Variants in ADGRL1 observed in about 807,000 individuals in gnomAD.
ADGRL1 encodes the protein CIRL-1.
ADGRL1 carries 31 observed loss-of-function variants against 148.9 expected under a neutral mutation model. The ratio of observed to expected loss-of-function variants is 0.21; its 90% CI spans 0.16 to 0.28. ADGRL1 has a LOEUF of 0.28. Among genes scored for constraint, ADGRL1 ranks in the 10% least tolerant of loss-of-function variants. The probability of loss-of-function intolerance (pLI) is 1.00; values close to 1 mark genes in which losing one functional copy is unlikely to be tolerated. For missense variants in ADGRL1, 1,521 were observed against 2,058.8 expected, an observed-to-expected ratio of 0.74 and a Z score of 5.05; for synonymous variants, 937 against 900.3, an observed-to-expected ratio of 1.04 and a Z score of -0.73.
At position 14,160,534 on chromosome 19, in the gene ADGRL1, G is replaced by A; in HGVS notation, c.1614+59C>T. The stretch of plus-strand genomic sequence containing the variant: ...CCCCAGCTGCTCCACGACCCCCGCT[G>A]GGCCCTGGGCCCTGGGCCCGAGCAC... On this transcript the variant is annotated intron_variant, in intron 7 of 22. Coordinates refer to ENST00000361434, the MANE Select transcript of ADGRL1 (RefSeq NM_014921.5). The surrounding 1 kb of genome is among the most constrained non-coding windows in gnomAD (Gnocchi z 5.9). The A allele has an allele frequency of 7.9e-7, 1 of 1,273,882 alleles. No homozygotes were observed. Among genetic ancestry groups the A allele is most frequent in the Non-Finnish European group, 1.1e-6 (1 of 920,402 alleles). 78.9% of individuals were successfully genotyped at this position (1,273,882 alleles called of 1,614,324 possible). A position where few individuals can be genotyped will look rare whatever the true frequency, so the allele number is the denominator to read the frequency against.
chr19:14,197,599 T>C (rs998222601), intron 1 of ADGRL1, among the ~76,000 whole-genome samples: 11 of 152,156 alleles, frequency 7.2e-5, no homozygotes, highest in Non-Finnish European at 1.3e-4. Context: ...CACAGTTCCT[T>C]ATTCTGCTCT....
intron 4 of ADGRL1, among the ~76,000 whole-genome samples, chr19:14,165,680 G>A (rs543294526): frequency 4.7e-4 from 71 of 151,900 alleles, no homozygotes; most frequent in African/African-American, 1.7e-3. Context: ...CTGGGAGGGA[G>A]AGAGACTCCA....
chr19:14,176,649 C>T (rs1364902880), intron 3 of ADGRL1, among the ~76,000 whole-genome samples: 4 of 151,912 alleles, frequency 2.6e-5, no homozygotes, highest in African/African-American at 9.7e-5. Flanking sequence ...CCAGCCTGGG[C>T]AACATAGCAA....
At chr19:14,205,716 C>T (rs1200182344) in intron 1 of ADGRL1, among the ~76,000 whole-genome samples, 1 of 150,964 alleles carries the variant, frequency 6.6e-6, no homozygotes, top group Non-Finnish European at 1.5e-5. Context: ...CGCCAGGCAC[C>T]CTGCGGTAGC....
Position 14,151,515 on chromosome 19 carries a change from G to T in ADGRL1, c.3768C>A (p.Pro1256=), listed in dbSNP as rs745616938. 5 of 1,610,820 alleles carry T rather than the reference G, an allele frequency of 3.1e-6. No individual in the cohort carries two copies. Among genetic ancestry groups the T allele is most frequent in the Non-Finnish European group, 3.4e-6 (4 of 1,178,820 alleles). Residue 1256 remains proline, a synonymous_variant, in exon 23 of 23, where the codon CCC becomes CCA. Transcript: ENST00000361434. The part of the protein sequence containing the change: ...SYSLRSGDFP[P]GDGGPEPPRG... ...GGGGCGGCTCAGGGCCCCCATCCCC[G>T]GGAGGGAAATCCCCACTTCGCAAGG...
chr19:14,159,777 G>A lies in ADGRL1; in HGVS notation c.1801-4C>T. 4 of 1,613,560 alleles carry A rather than the reference G, an allele frequency of 2.5e-6. No individual in the cohort carries two copies. Among genetic ancestry groups the A allele is most frequent in the Non-Finnish European group, 3.4e-6 (4 of 1,179,590 alleles). ...AAGTTCTCTCTCGCTTGTGCATCTAGAAAGAGATGGAGGTGATGTCAGGCC... is the reference window on the plus strand; with the variant it reads ...AAGTTCTCTCTCGCTTGTGCATCTAAAAAGAGATGGAGGTGATGTCAGGCC... On this transcript the variant is annotated splice_polypyrimidine_tract_variant and splice_region_variant and intron_variant, in intron 8 of 22. Transcript: ENST00000361434. The surrounding 1 kb of genome is among the most constrained non-coding windows in gnomAD (Gnocchi z 6.0).
intron 1 of ADGRL1, among the ~76,000 whole-genome samples, chr19:14,197,947 G>GT (rs1485353475): frequency 6.6e-6 from 1 of 152,184 alleles, no homozygotes; most frequent in Non-Finnish European, 1.5e-5. Flanking sequence ...TTGACAGGGG[G>GT]TATACATGTA....
At chr19:14,164,167 G>A (rs892374791) in intron 4 of ADGRL1, among the ~76,000 whole-genome samples, 4 of 151,946 alleles carry the variant, frequency 2.6e-5, no homozygotes, top group African/African-American at 9.7e-5. Flanking sequence ...AGGCTAGGAC[G>A]GGGAATGAAA....
At chr19:14,156,637 G>A in intron 16 of ADGRL1, 21 bp downstream of exon 16, 2 of 1,604,704 alleles carry the variant, frequency 1.2e-6, no homozygotes, top group Non-Finnish European at 1.7e-6. Context: ...GTGGTGCTAG[G>A]GGTGTCACCT....
chr19:14,170,685 A>G lies in ADGRL1; in HGVS notation c.391T>C (p.Tyr131His). The G allele has an allele frequency of 6.3e-7, 1 of 1,599,510 alleles. No individual in the cohort carries two copies. Residue 131 changes from tyrosine to histidine, a missense_variant, in exon 4 of 23, where the codon TAC (tyrosine) becomes CAC (histidine). Coordinates refer to ENST00000361434, the MANE Select transcript of ADGRL1 (RefSeq NM_014921.5). ...YLEVQYDCVP[Y>H]IFVCPGTLQK... ...CACAAGGAACAAGATGACTCACTGTAGGGGACACAGTCGTACTGCACCTCC... is the reference window on the plus strand; with the variant it reads ...CACAAGGAACAAGATGACTCACTGTGGGGGACACAGTCGTACTGCACCTCC...
intron 3 of ADGRL1, chr19:14,171,033 TG>T (rs1281314937): frequency 8.7e-6 from 4 of 460,890 alleles, no homozygotes; most frequent in Non-Finnish European, 1.6e-5. Flanking sequence ...CAGTTTCTAA[TG>T]AATGGTTTAT....
intron 1 of ADGRL1, among the ~76,000 whole-genome samples, chr19:14,203,193 C>A (rs2145193316): frequency 6.6e-6 from 1 of 152,356 alleles, no homozygotes; most frequent in African/African-American, 2.4e-5. Context: ...AGCCCCTCCC[C>A]CTGCCTCCCC....
chr19:14,165,362 G>C (rs1157329600), intron 4 of ADGRL1, among the ~76,000 whole-genome samples: 2 of 152,208 alleles, frequency 1.3e-5, no homozygotes, highest in Non-Finnish European at 2.9e-5. Context: ...ACCCCCACCA[G>C]GTGTGTGGCA....
chr19:14,184,217 T>C (rs1488346817), intron 1 of ADGRL1, among the ~76,000 whole-genome samples: 1 of 152,040 alleles, frequency 6.6e-6, no homozygotes, highest in Non-Finnish European at 1.5e-5. Context: ...GCGCCACAGA[T>C]CGGGAACCAG....
At chr19:14,171,747 C>T (rs1023567373) in intron 3 of ADGRL1, among the ~76,000 whole-genome samples, 5 of 152,188 alleles carry the variant, frequency 3.3e-5, no homozygotes, top group African/African-American at 1.2e-4. Flanking sequence ...AAGCCATTCT[C>T]GGTTCCCAAG....
At chr19:14,193,192 C>T (rs1358134374) in intron 1 of ADGRL1, among the ~76,000 whole-genome samples, 1 of 151,530 alleles carries the variant, frequency 6.6e-6, no homozygotes, top group Admixed American at 6.6e-5. Flanking sequence ...TGGTGGGTGT[C>T]CCCCGGGAGA....
intron 1 of ADGRL1, among the ~76,000 whole-genome samples, chr19:14,204,716 GA>G (rs1972854984): frequency 6.7e-5 from 1 of 15,010 alleles, no homozygotes; most frequent in Non-Finnish European, 1.3e-4. Context: ...GAGAGAGTGA[GA>G]GAGAGAGAGA....
intron 12 of ADGRL1, 142 bp from the exon 13 acceptor site, chr19:14,158,194 G>T: frequency 1.6e-6 from 2 of 1,221,736 alleles, no homozygotes; most frequent in Non-Finnish European, 2.3e-6. Flanking sequence ...CATTCTGAGA[G>T]CTCTGGGGAC....
rs1969555911 is a variant in ADGRL1 at position 14,162,974 on chromosome 19, T to G, written c.827A>C (p.Tyr276Ser). The G allele has an allele frequency of 6.2e-7, 1 of 1,613,968 alleles. No homozygotes were observed. The highest frequency in any genetic ancestry group is 1.7e-5 in the Admixed American group (1 of 60,022). ...CCGCCCGTTGTTGCCCTCAGTGGCG[T>G]AGATGACCCACAGCCCGTTCTCGTC... ...AVDENGLWVI[Y>S]ATEGNNGRLV... is the part of the protein sequence containing the mutation. Residue 276 changes from tyrosine (Y) to serine (S), a missense_variant, in exon 5 of 23, where the codon TAC becomes TCC. Around this residue, in one of 8 missense-constraint regions of ADGRL1, gnomAD observed 334 missense variants for 512.5 expected, o/e 0.65. Coordinates refer to ENST00000361434, the MANE Select transcript of ADGRL1 (RefSeq NM_014921.5). This position sits in a 1 kb window ranked among gnomAD's most constrained non-coding sequence, Gnocchi z 5.4.
Sources: allele counts gnomAD v4.1 joint callset (sites outside exome capture counted in the v4.1 genomes callset), GRCh38; gene constraint gnomAD v4.1.1; regional missense constraint gnomAD v4.1.1; non-coding constraint Gnocchi (gnomAD v3.1); transcripts MANE v1.5; gene names NCBI Gene and HGNC (gene_info 2026-07-23, HGNC 2026-07-21).